Variants in GPC3 observed in about 807,000 individuals in gnomAD.
GPC3 encodes glypican 3.
Under a neutral mutation model 34.4 loss-of-function variants are expected in GPC3, and 3 were observed. The ratio of observed to expected loss-of-function variants is 0.09; its 90% CI spans 0.04 to 0.23. The LOEUF is 0.23. GPC3 is among the 10% of genes least tolerant of loss of function. GPC3 has a pLI of 1.00. For synonymous variants in GPC3, 177 were observed against 174.0 expected (o/e 1.02, Z -0.13); for missense variants, 351 against 445.6 (o/e 0.79, Z 1.91).
chrX:133,586,463 A>G (rs756362439), intron 7 of GPC3, among the ~76,000 whole-genome samples: 3 of 111,853 alleles, frequency 2.7e-5, no homozygotes, highest in East Asian at 5.6e-4. Context: ...TTTGATCTCT[A>G]AAAGAAAAGA....
chrX:133,700,127 A>G, intron 3 of GPC3, 99 bp from the exon 4 acceptor site: 3 of 643,177 alleles, frequency 4.7e-6, no homozygotes, highest in Non-Finnish European at 7.6e-6. Flanking sequence ...CCAATTTTAA[A>G]TAGCAGAACA....
intron 2 of GPC3, among the ~76,000 whole-genome samples, chrX:133,920,958 A>G (rs1189882792): frequency 2.7e-5 from 3 of 111,471 alleles, no homozygotes; most frequent in Non-Finnish European, 3.8e-5. Flanking sequence ...TTTCCCACTA[A>G]TGTCCTTTAT....
intron 2 of GPC3, among the ~76,000 whole-genome samples, chrX:133,917,601 G>A (rs942268987): frequency 6.3e-5 from 7 of 111,993 alleles, no homozygotes; most frequent in African/African-American, 6.5e-5. Flanking sequence ...GTCCCCTACT[G>A]TACTAATGAG....
At chrX:133,764,786 G>T (rs957083761) in intron 2 of GPC3, among the ~76,000 whole-genome samples, 15 of 111,622 alleles carry the variant, frequency 1.3e-4, no homozygotes, top group African/African-American at 4.9e-4. Context: ...GAATCTTGGG[G>T]ATCAGTATTT....
At chrX:133,720,175 C>A (rs1332805554) in intron 3 of GPC3, among the ~76,000 whole-genome samples, 1 of 111,965 alleles carries the variant, frequency 8.9e-6, no homozygotes, top group Non-Finnish European at 1.9e-5. Context: ...ACCATTTGAT[C>A]CAGCAATCCC....
At chrX:133,629,792 T>C (rs1451847560) in intron 6 of GPC3, among the ~76,000 whole-genome samples, 1 of 110,182 alleles carries the variant, frequency 9.1e-6, no homozygotes, top group Non-Finnish European at 1.9e-5. Context: ...CAGTGGCTCA[T>C]GCTTGTATTC....
At chrX:133,940,229 T>C (rs926815362) in intron 2 of GPC3, among the ~76,000 whole-genome samples, 9 of 111,807 alleles carry the variant, frequency 8.0e-5, no homozygotes, top group Non-Finnish European at 1.5e-4. Context: ...TTGGGGTCAT[T>C]CTTGGGGTGT....
Position 133,772,884 on chromosome X carries a change from G to T in GPC3, c.338-18708C>A, listed in dbSNP as rs1389902696. On this transcript the variant is annotated intron_variant, in intron 2 of 7. Coordinates refer to ENST00000370818, the MANE Select transcript of GPC3 (RefSeq NM_004484.4). ...CAACTTCCTCAAAGCCACACAACAA[G>T]TAAGTGGTGCAGAGCTGGAATTCAA... is the stretch of plus-strand genomic sequence containing the variant. Among the ~76,000 whole-genome samples the T allele has an allele frequency of 2.7e-5, 3 of 110,997 alleles. No individual in the cohort carries two copies. The Admixed American group carries it at 2.9e-4, about 11-fold the overall frequency.
chrX:133,973,543 T>C (rs1432558611), intron 1 of GPC3, among the ~76,000 whole-genome samples: 3 of 112,652 alleles, frequency 2.7e-5, no homozygotes, highest in African/African-American at 6.4e-5. Context: ...TTCAAGCTTA[T>C]GTTGAAAGAA....
intron 6 of GPC3, among the ~76,000 whole-genome samples, chrX:133,631,232 T>G (rs2070362863): frequency 8.9e-6 from 1 of 112,017 alleles, no homozygotes; most frequent in East Asian, 2.8e-4. Context: ...ATTAAAACTC[T>G]GTACCTGTTA....
chrX:133,847,290 T>C (rs1368384725), intron 2 of GPC3, among the ~76,000 whole-genome samples: 1 of 111,929 alleles, frequency 8.9e-6, no homozygotes, highest in Non-Finnish European at 1.9e-5. Context: ...TACTTCATAA[T>C]GGGCACAGAT....
chrX:133,727,374 C>T (rs377703971), intron 3 of GPC3, among the ~76,000 whole-genome samples: 5 of 110,359 alleles, frequency 4.5e-5, no homozygotes, highest in African/African-American at 1.7e-4. Flanking sequence ...GGTGAAACCC[C>T]GTCTCTACTA....
chrX:133,877,965 T>G (rs956294813), intron 2 of GPC3, among the ~76,000 whole-genome samples: 1 of 111,530 alleles, frequency 9.0e-6, no homozygotes, highest in Non-Finnish European at 1.9e-5. Context: ...ACTTTTATGT[T>G]TTTTTTTAAT....
At chrX:133,833,056 G>T (rs1010381581) in intron 2 of GPC3, among the ~76,000 whole-genome samples, 9 of 112,333 alleles carry the variant, frequency 8.0e-5, no homozygotes, top group Non-Finnish European at 1.5e-4. Flanking sequence ...ATTGGGTGGT[G>T]CCGTTTAAAT....
At chrX:133,825,679 C>T (rs1005204791) in intron 2 of GPC3, among the ~76,000 whole-genome samples, 1 of 111,691 alleles carries the variant, frequency 9.0e-6, no homozygotes, top group East Asian at 2.8e-4. Context: ...TAGACATATT[C>T]ATGGAAATAC....
In GPC3 at chrX:133,810,945, C is replaced by T. The variant is rs150722230; in HGVS notation, c.338-56769G>A. Among the ~76,000 whole-genome samples the T allele has an allele frequency of 3.2e-3, 349 of 110,209 alleles. 2 individuals are homozygous for T. Among genetic ancestry groups the T allele is most frequent in the Non-Finnish European group, 5.7e-3 (299 of 52,731 alleles). On this transcript the variant is annotated intron_variant, in intron 2 of 7. Transcript: ENST00000370818. The stretch of plus-strand genomic sequence containing the variant: ...AACCAGGCATTACTGGTTCAGTCTC[C>T]GTTTCCTCTTTCAAAGGAGGGAACA...
intron 2 of GPC3, among the ~76,000 whole-genome samples, chrX:133,884,564 T>C (rs915907548): frequency 3.6e-5 from 4 of 111,623 alleles, no homozygotes; most frequent in African/African-American, 1.3e-4. Flanking sequence ...TTACTCCTTC[T>C]ACTATACATA....
rs181787340 is a variant in GPC3, at chrX:133,751,051, C to A, written c.1032+2431G>T. Among the ~76,000 whole-genome samples, 161 of 103,454 alleles carry A rather than the reference C, an allele frequency of 1.6e-3. 3 individuals carry two copies. The East Asian group carries it at 0.038, about 25-fold the overall frequency. The allele number at this position is 103,454 out of a possible 115,157, so 89.8% of individuals were successfully genotyped here. On this transcript the variant is annotated intron_variant, in intron 3 of 7. Coordinates refer to ENST00000370818, the MANE Select transcript of GPC3 (RefSeq NM_004484.4). ...TTACACCACTGCACTCCAGCCTGGG[C>A]GACAGAGCGAGACTCTGTCTCAAAA... is the stretch of plus-strand genomic sequence containing the variant.
intron 1 of GPC3, among the ~76,000 whole-genome samples, chrX:133,977,808 G>A (rs1375075300): frequency 2.7e-5 from 3 of 112,151 alleles, no homozygotes; most frequent in African/African-American, 6.5e-5. Context: ...AGTTTACCTA[G>A]GCAACTAATT....
Sources: gnomAD v4.1 joint callset for allele counts (sites outside exome capture counted in the v4.1 genomes callset) on GRCh38, gnomAD v4.1.1 for gene constraint, MANE v1.5 for transcripts, NCBI Gene and HGNC (gene_info 2026-07-23, HGNC 2026-07-21) for gene names.